Variants in PPFIA1 observed in about 807,000 individuals in gnomAD.
The protein encoded by PPFIA1 is liprin-alpha-1.
Under a neutral mutation model 149.9 loss-of-function variants are expected in PPFIA1, and 25 were observed. That is an observed-to-expected ratio of 0.17 (90% CI 0.12 to 0.23). The LOEUF is 0.23. Among genes scored for constraint, PPFIA1 ranks in the 10% least tolerant of loss-of-function variants. The probability of loss-of-function intolerance (pLI) is 1.00; values close to 1 mark genes in which losing one functional copy is unlikely to be tolerated. For synonymous variants in PPFIA1, 549 were observed against 552.8 expected (o/e 0.99, Z 0.10); for missense variants, 1,362 against 1,506.5 (o/e 0.90, Z 1.59).
At chr11:70,307,276 C>A (rs1184940069) in intron 2 of PPFIA1, among the ~76,000 whole-genome samples, 1 of 152,112 alleles carries the variant, frequency 6.6e-6, no homozygotes, top group African/African-American at 2.4e-5. Flanking sequence ...TTATTCATTG[C>A]CATATTATTT....
At chr11:70,337,212 G>A in intron 11 of PPFIA1, among the ~76,000 whole-genome samples, 153 bp from the exon 12 acceptor site, 1 of 151,996 alleles carries the variant, frequency 6.6e-6, no homozygotes, top group South Asian at 2.1e-4. Context: ...GCCGCCTCAC[G>A]GTCTAACCCT....
Position 70,293,944 on chromosome 11 carries a change from T to C in PPFIA1, c.264+21508T>C, listed in dbSNP as rs74651284. ...CCTGCACAGTTCTCTCTCTCTCTCT[T>C]TTTTTTTTTTTTTTTGACAGGGTCT... On this transcript the variant is annotated intron_variant, in intron 2 of 27. Coordinates refer to ENST00000253925, the MANE Select transcript of PPFIA1 (RefSeq NM_003626.5). Among the ~76,000 whole-genome samples the C allele has an allele frequency of 6.9e-4, 98 of 142,288 alleles. 1 individual carries two copies. The highest frequency in any genetic ancestry group is 9.0e-4 in the Non-Finnish European group (58 of 64,738). The allele number at this position is 142,288 out of a possible 152,430, so 93.3% of individuals were successfully genotyped here.
chr11:70,272,859 A>G (rs1400369886), intron 2 of PPFIA1, among the ~76,000 whole-genome samples: 1 of 148,558 alleles, frequency 6.7e-6, no homozygotes, highest in Non-Finnish European at 1.5e-5. Flanking sequence ...GATTTCACGG[A>G]AAAAAAAAAT....
At chr11:70,344,421 A>G (rs1393635013) in intron 15 of PPFIA1, among the ~76,000 whole-genome samples, 1 of 152,222 alleles carries the variant, frequency 6.6e-6, no homozygotes, top group Non-Finnish European at 1.5e-5. Flanking sequence ...CACTCAGAAC[A>G]CATGCACACC....
chr11:70,286,429 T>C (rs1202340068), intron 2 of PPFIA1, among the ~76,000 whole-genome samples: 2 of 152,148 alleles, frequency 1.3e-5, no homozygotes, highest in African/African-American at 4.8e-5. Context: ...TTTTTGTATT[T>C]TTGTAGAGAC....
At chr11:70,353,431 T>A (rs1440373106) in intron 16 of PPFIA1, among the ~76,000 whole-genome samples, 2 of 152,214 alleles carry the variant, frequency 1.3e-5, no homozygotes, top group Non-Finnish European at 2.9e-5. Flanking sequence ...TTGCTGTTTA[T>A]AGTAATGCTT....
chr11:70,336,364 T>A (rs975161066), intron 11 of PPFIA1, among the ~76,000 whole-genome samples: 3 of 151,854 alleles, frequency 2.0e-5, no homozygotes, highest in African/African-American at 7.3e-5. Context: ...TAGCCAGGCC[T>A]GGGGGCACCC....
chr11:70,300,775 C>T (rs1184535881), intron 2 of PPFIA1, among the ~76,000 whole-genome samples: 2 of 152,274 alleles, frequency 1.3e-5, no homozygotes, highest in Admixed American at 6.5e-5. Flanking sequence ...TCTTGTGATC[C>T]GCCCGCCTTG....
intron 7 of PPFIA1, among the ~76,000 whole-genome samples, chr11:70,329,182 G>A (rs1259696678): frequency 2.6e-5 from 4 of 152,146 alleles, no homozygotes; most frequent in Non-Finnish European, 4.4e-5. Flanking sequence ...GAGACCATTT[G>A]TAGCGTGAGG....
chr11:70,285,380 G>A (rs1224542804), intron 2 of PPFIA1, among the ~76,000 whole-genome samples: 1 of 152,108 alleles, frequency 6.6e-6, no homozygotes, highest in African/African-American at 2.4e-5. Context: ...GGGCTATAAA[G>A]TTAGTGCTGT....
intron 26 of PPFIA1, chr11:70,381,039 A>G (rs993545083): frequency 4.6e-5 from 7 of 152,068 alleles, no homozygotes; most frequent in South Asian, 2.1e-4. Flanking sequence ...GGCTCAAGCA[A>G]TCCTCCTGCC....
intron 16 of PPFIA1, among the ~76,000 whole-genome samples, chr11:70,350,391 T>C (rs1411954081): frequency 1.3e-5 from 2 of 152,252 alleles, no homozygotes; most frequent in East Asian, 3.8e-4. Context: ...TCTAATAGGT[T>C]ATTTTTAAAT....
At position 70,271,510 on chromosome 11, in the gene PPFIA1, C is replaced by T. The variant is rs546246922; in HGVS notation, c.-1+596C>T. Among the ~76,000 whole-genome samples the T allele has an allele frequency of 3.4e-4, 50 of 147,926 alleles. 1 individual carries two copies. The East Asian group carries it at 9.7e-3, about 29-fold the overall frequency. On this transcript the variant is annotated intron_variant, in intron 1 of 27. Transcript: ENST00000253925. ...CCGGCTGTATCGACCTGCTATATTT[C>T]CATTGTGGATTTTTTTTTTCGGTTG...
rs968740236 is a variant in PPFIA1, at chr11:70,324,835, C to T, written c.367-12C>T. ...CTGTTTAACAAGTCTTTATTTTGGCCTTTTATTTCAGCTGCTGTTAGAGCA... is the reference window on the plus strand; with the variant it reads ...CTGTTTAACAAGTCTTTATTTTGGCTTTTTATTTCAGCTGCTGTTAGAGCA... On this transcript the variant is annotated splice_polypyrimidine_tract_variant and intron_variant, in intron 3 of 27. Coordinates refer to ENST00000253925, the MANE Select transcript of PPFIA1 (RefSeq NM_003626.5). The T allele has an allele frequency of 8.4e-6, 13 of 1,552,394 alleles. No individual in the cohort carries two copies. The highest frequency in any genetic ancestry group is 1.1e-5 in the Non-Finnish European group (13 of 1,147,608).
chr11:70,371,397 GGAT>G, intron 21 of PPFIA1: 2 of 157,166 alleles, frequency 1.3e-5, no homozygotes, highest in East Asian at 1.9e-4. Flanking sequence ...GTTGTTTGGT[GGAT>G]TGTTCTATAT....
intron 26 of PPFIA1, among the ~76,000 whole-genome samples, chr11:70,379,152 C>G (rs932374692): frequency 2.0e-5 from 3 of 152,176 alleles, no homozygotes; most frequent in Non-Finnish European, 4.4e-5. Context: ...AGCCCCTGTG[C>G]TACACACAGG....
chr11:70,372,548 GAGA>G lies in PPFIA1; in HGVS notation c.3118_3120del (p.Glu1040del), dbSNP rs1565462607. The G allele has an allele frequency of 6.2e-7, 1 of 1,612,886 alleles. No individual in the cohort carries two copies. Among genetic ancestry groups the G allele is most frequent in the Non-Finnish European group, 8.5e-7 (1 of 1,179,150 alleles). ...GACCGGAAAGAACTGGAAAGAAAAA[GAGA>G]AGAAAGTCAGAGTGAAATAAAAGGT... On this transcript the variant is annotated inframe_deletion, in exon 23 of 28. Transcript: ENST00000253925.
rs760645482 is a variant in PPFIA1 at position 70,376,620 on chromosome 11, T to G, written c.3384+20T>G. 37 of 1,568,580 alleles carry G rather than the reference T, an allele frequency of 2.4e-5. No homozygotes were observed. Among genetic ancestry groups the G allele is most frequent in the Non-Finnish European group, 3.1e-5 (35 of 1,138,740 alleles). On this transcript the variant is annotated intron_variant, in intron 25 of 27. Transcript: ENST00000253925. The stretch of plus-strand genomic sequence containing the variant: ...GATGAAGTAAGTTTTTGGCCTAATG[T>G]TCTTTAAATGTCTGAAATGTGTGTA...
intron 2 of PPFIA1, among the ~76,000 whole-genome samples, chr11:70,287,221 C>G (rs908771467): frequency 6.6e-6 from 1 of 152,120 alleles, no homozygotes; most frequent in African/African-American, 2.4e-5. Flanking sequence ...TCCATTCCTC[C>G]TCGGGCTGAA....
Sources: gnomAD v4.1 joint callset for allele counts (sites outside exome capture counted in the v4.1 genomes callset) on GRCh38, gnomAD v4.1.1 for gene constraint, MANE v1.5 for transcripts, NCBI Gene and HGNC (gene_info 2026-07-23, HGNC 2026-07-21) for gene names.